The following METTL4 variants were observed in gnomAD, a reference collection of about 807,000 sequenced individuals.
METTL4 encodes the protein methyltransferase 4, N6-adenosine, also known as N(6)-adenine-specific methyltransferase METTL4.
Under a neutral mutation model 54.0 loss-of-function variants are expected in METTL4, and 40 were observed. That is an observed-to-expected ratio of 0.74 (90% CI 0.58 to 0.96). The LOEUF is 0.96. Among genes scored for constraint, METTL4 ranks in the 50% least tolerant of loss-of-function variants. The probability of loss-of-function intolerance (pLI) is 0.00; values close to 1 mark genes in which losing one functional copy is unlikely to be tolerated. For synonymous variants in METTL4, 169 were observed against 183.8 expected (o/e 0.92, Z 0.65); for missense variants, 525 against 549.0 (o/e 0.96, Z 0.44).
At chr18:2,565,095 T>C (rs2072383457) in intron 2 of METTL4, among the ~76,000 whole-genome samples, 1 of 152,054 alleles carries the variant, frequency 6.6e-6, no homozygotes, top group Admixed American at 6.6e-5. Flanking sequence ...CAAGACCAGC[T>C]TGGCCAACAA....
chr18:2,538,799 CAT>C lies in METTL4; in HGVS notation c.*199_*200del. 1.7e-6 allele frequency: 1 copy of C among 572,842 alleles called. No individual in the cohort carries two copies. The highest frequency in any genetic ancestry group is 3.1e-6 in the Non-Finnish European group (1 of 326,480). The allele number at this position is 572,842 out of a possible 1,614,324, so 35.5% of individuals were successfully genotyped here. On this transcript the variant is annotated 3_prime_UTR_variant, in exon 9 of 9. Coordinates refer to ENST00000574538, the MANE Select transcript of METTL4 (RefSeq NM_022840.5). ...ACTTAATTTGTATAGTCTAGAATAA[CAT>C]AGAATGTTAGTGCAACTCAAGTAAA...
intron 3 of METTL4, among the ~76,000 whole-genome samples, chr18:2,563,450 A>C (rs544460611): frequency 6.5e-4 from 98 of 151,828 alleles, no homozygotes; most frequent in African/African-American, 2.2e-3. Context: ...AAAAATTAGC[A>C]GGGCATGGTG....
intron 3 of METTL4, among the ~76,000 whole-genome samples, chr18:2,557,523 A>G (rs2072256718): frequency 6.6e-6 from 1 of 152,190 alleles, no homozygotes; most frequent in African/African-American, 2.4e-5. Flanking sequence ...TGTCTCCCCA[A>G]GGCAGAGGAT....
At position 2,547,391 on chromosome 18, in the gene METTL4, C is replaced by T. The variant is rs985218732; in HGVS notation, c.1038G>A (p.Trp346Ter). Residue 346 changes from tryptophan to a stop codon, truncating the protein, a stop_gained, in exon 6 of 9, where the codon TGG (tryptophan) becomes TGA (stop). Transcript: ENST00000574538. LOFTEE classifies it high-confidence loss of function. Reference sequence around the variant, plus strand: ...GCCACTCAGCAACTACCTCCACAGACCAAGAGGGATAAAGTTCTTCCTTTA... The same window carrying T: ...GCCACTCAGCAACTACCTCCACAGATCAAGAGGGATAAAGTTCTTCCTTTA... ...RFIKEELYPS[W>*]SVEVVAEWHW... The T allele has an allele frequency of 8.7e-6, 14 of 1,607,642 alleles. No individual in the cohort carries two copies. The highest frequency in any genetic ancestry group is 1.2e-5 in the Non-Finnish European group (14 of 1,177,372).
rs1170830907 is a variant in METTL4 at position 2,566,921 on chromosome 18, T to A, written c.296A>T (p.Tyr99Phe). 1.2e-6 allele frequency: 2 copies of A among 1,613,932 alleles called. No individual in the cohort carries two copies. The highest frequency in any genetic ancestry group is 2.7e-5 in the African/African-American group (2 of 74,950). The change falls in exon 2 of 9, where the codon TAT becomes TTT. Residue 99 changes from tyrosine (Y) to phenylalanine (F), a missense_variant. By Grantham distance (22) the Tyr-to-Phe change is conservative. Transcript: ENST00000574538. ...RPELFDVTKPYITPAVHKECQ... is the reference protein window; with the variant it reads ...RPELFDVTKPFITPAVHKECQ... ...TTCTTTATGAACAGCTGGAGTTATA[T>A]AAGGTTTGGTGACATCAAACAGTTC...
chr18:2,563,887 A>T lies in METTL4; in HGVS notation c.397-28T>A, dbSNP rs1413373090. ...AAAGGGTAGATCAATTACAGGGGAA[A>T]AGTTATGTTGCCATTAATATTTTGC... On this transcript the variant is annotated intron_variant, in intron 2 of 8. Transcript: ENST00000574538. 3 of 1,551,686 alleles carry T rather than the reference A, an allele frequency of 1.9e-6. No individual in the cohort carries two copies. The African/African-American group carries it at 4.1e-5, about 21-fold the overall frequency.
rs80324306 is a variant in METTL4, at chr18:2,544,698, C to A, written c.1136G>T (p.Gly379Val). 82 of 1,613,030 alleles carry A rather than the reference C, an allele frequency of 5.1e-5. No homozygotes were observed. In the East Asian group the frequency reaches 1.7e-3, roughly 33 times the overall value. ...TTCTTGAACCCTCCCCAGTATAAGACCTTCGTAGGGCTTTTTGTGTGGAGA... is the reference window on the plus strand; with the variant it reads ...TTCTTGAACCCTCCCCAGTATAAGAACTTCGTAGGGCTTTTTGTGTGGAGA... ...LDSPHKKPYE[G>V]LILGRVQEKT... The change falls in exon 7 of 9, where the codon GGT (glycine) becomes GTT (valine). Residue 379 changes from glycine to valine, a missense_variant. By Grantham distance (109) the Gly-to-Val change is moderately radical. Transcript: ENST00000574538.
chr18:2,554,406 A>T (rs2072205941), intron 4 of METTL4: 2 of 369,912 alleles, frequency 5.4e-6, no homozygotes, highest in Non-Finnish European at 9.6e-6. Context: ...ACACAACTGC[A>T]TACCGAATTC....
At chr18:2,547,094 G>C (rs1256538416) in intron 6 of METTL4, among the ~76,000 whole-genome samples, 4 of 152,102 alleles carry the variant, frequency 2.6e-5, no homozygotes, top group Admixed American at 2.0e-4. Flanking sequence ...GACAAAATCA[G>C]AGCTTTTAAA....
At chr18:2,546,717 A>G (rs539432170) in intron 6 of METTL4, among the ~76,000 whole-genome samples, 25 of 152,302 alleles carry the variant, frequency 1.6e-4, no homozygotes, top group African/African-American at 6.0e-4. Context: ...TGAACTCTAA[A>G]TTGATGCCTT....
intron 1 of METTL4, chr18:2,568,826 T>C: frequency 4.7e-6 from 1 of 214,738 alleles, no homozygotes; most frequent in South Asian, 8.1e-5. Context: ...ACATGACACT[T>C]ACCAAATGGA....
At chr18:2,559,420 A>G (rs1043972570) in intron 3 of METTL4, among the ~76,000 whole-genome samples, 35 of 151,106 alleles carry the variant, frequency 2.3e-4, no homozygotes, top group African/African-American at 7.5e-4. Flanking sequence ...AGAAAGTAGA[A>G]TACTAGTTAC....
chr18:2,550,913 C>T (rs1427634529), intron 5 of METTL4, among the ~76,000 whole-genome samples: 1 of 151,896 alleles, frequency 6.6e-6, no homozygotes, highest in African/African-American at 2.4e-5. Flanking sequence ...GCCTGTAATC[C>T]CAGCACTTTG....
At chr18:2,552,653 C>T in intron 5 of METTL4, 42 bp downstream of exon 5, 1 of 1,319,538 alleles carries the variant, frequency 7.6e-7, no homozygotes, top group Non-Finnish European at 1.1e-6. Flanking sequence ...GTACAAAGGA[C>T]TACAGTTTTT....
chr18:2,553,056 T>C, intron 4 of METTL4: 2 of 247,072 alleles, frequency 8.1e-6, no homozygotes, highest in Non-Finnish European at 1.5e-5. Flanking sequence ...GAATTCCCTA[T>C]GCGTCTTGGC....
At chr18:2,552,358 C>T (rs986175498) in intron 5 of METTL4, among the ~76,000 whole-genome samples, 1 of 152,026 alleles carries the variant, frequency 6.6e-6, no homozygotes, top group Non-Finnish European at 1.5e-5. Context: ...ATTCATAACA[C>T]TTTATTAAGG....
chr18:2,557,042 G>A (rs141363424), intron 3 of METTL4, among the ~76,000 whole-genome samples: 13 of 152,066 alleles, frequency 8.5e-5, no homozygotes, highest in Non-Finnish European at 1.3e-4. Context: ...GAAAGAAATC[G>A]ATAGCCCCAG....
rs895335877 is a variant in METTL4 at position 2,566,719 on chromosome 18, T to C, written c.396+102A>G. 4 of 962,494 alleles carry C rather than the reference T, an allele frequency of 4.2e-6. No individual in the cohort carries two copies. The Admixed American group carries it at 1.4e-4, about 34-fold the overall frequency. The allele number at this position is 962,494 out of a possible 1,614,324, so 59.6% of individuals were successfully genotyped here. Reference sequence around the variant, plus strand: ...TAAAGCCTTTTTGGGTTTTACTGATTCTTCTTTATACTTAACGAATCACCA... The same window carrying C: ...TAAAGCCTTTTTGGGTTTTACTGATCCTTCTTTATACTTAACGAATCACCA... On this transcript the variant is annotated intron_variant, in intron 2 of 8. Transcript: ENST00000574538.
intron 5 of METTL4, among the ~76,000 whole-genome samples, chr18:2,549,063 T>C (rs1025969624): frequency 5.9e-5 from 9 of 152,186 alleles, no homozygotes; most frequent in African/African-American, 2.2e-4. Context: ...AACTCTCTCT[T>C]AGCAGGTAAA....
Sources: gnomAD v4.1 joint callset for allele counts (sites outside exome capture counted in the v4.1 genomes callset) on GRCh38, gnomAD v4.1.1 for gene constraint, MANE v1.5 for transcripts, NCBI Gene and HGNC (gene_info 2026-07-23, HGNC 2026-07-21) for gene names.